Variants in DOCK8 observed in about 807,000 individuals in gnomAD.
DOCK8 encodes dedicator of cytokinesis 8, also known as dedicator of cytokinesis protein 8.
DOCK8 carries 141 observed loss-of-function variants against 245.6 expected under a neutral mutation model. The observed-to-expected ratio is 0.57, with a 90% CI of 0.50 to 0.66. The LOEUF is 0.66. Among genes scored for constraint, DOCK8 ranks in the 30% least tolerant of loss-of-function variants. DOCK8 has a pLI of 0.00. For missense variants in DOCK8, 2,965 were observed against 2,603.4 expected (o/e 1.14, Z -3.02); for synonymous variants, 1,168 against 970.2 (o/e 1.20, Z -3.79).
chr9:401,045 T>TCACCA (rs1389173151), intron 26 of DOCK8, among the ~76,000 whole-genome samples: 50 of 102,358 alleles, frequency 4.9e-4, no homozygotes, highest in Non-Finnish European at 7.5e-4. Context: ...CACCATCACT[T>TCACCA]CTTCCACCAT....
At chr9:318,233 C>T (rs564723563) in intron 7 of DOCK8, among the ~76,000 whole-genome samples, 5 of 152,316 alleles carry the variant, frequency 3.3e-5, no homozygotes, top group African/African-American at 1.2e-4. Flanking sequence ...TAAAGTTGTA[C>T]ATATTTTACC....
At chr9:225,858 A>T (rs1405497420) in intron 1 of DOCK8, among the ~76,000 whole-genome samples, 2 of 152,164 alleles carry the variant, frequency 1.3e-5, no homozygotes, top group Non-Finnish European at 2.9e-5. Flanking sequence ...AAGCAGGGGA[A>T]TGACGAAGCA....
rs1246908789 is a variant in DOCK8, at chr9:464,226, C to T, written c.*7C>T. Reference sequence around the variant, plus strand: ...GTTGTCACAGGGCAGCTAAGAAAAGCCATCTTCATTCGTGGAGACTGTGGC... The same window carrying T: ...GTTGTCACAGGGCAGCTAAGAAAAGTCATCTTCATTCGTGGAGACTGTGGC... On this transcript the variant is annotated 3_prime_UTR_variant, in exon 48 of 48. Transcript: ENST00000432829. 7 of 1,612,682 alleles carry T rather than the reference C, an allele frequency of 4.3e-6. No homozygotes were observed. The highest frequency in any genetic ancestry group is 5.9e-6 in the Non-Finnish European group (7 of 1,178,798).
At chr9:389,742 G>A (rs933158137) in intron 23 of DOCK8, among the ~76,000 whole-genome samples, 1 of 152,144 alleles carries the variant, frequency 6.6e-6, no homozygotes, top group African/African-American at 2.4e-5. Context: ...GAGGCCGGGC[G>A]TAGTGGCTCA....
intron 14 of DOCK8, among the ~76,000 whole-genome samples, chr9:358,654 A>T (rs1030318556): frequency 7.3e-5 from 9 of 122,814 alleles, no homozygotes; most frequent in Admixed American, 5.7e-4. Context: ...TTCAAGACAA[A>T]CCTGGCCAAC....
chr9:428,574 T>C lies in DOCK8; in HGVS notation c.4473+78T>C. 7 of 1,566,870 alleles carry C rather than the reference T, an allele frequency of 4.5e-6. No individual in the cohort carries two copies. In the South Asian group the frequency reaches 7.9e-5, roughly 18 times the overall value. ...CTAGCTTCATACTTCTCTCTTCAGGTGGACCAAAAGTCACAGAGCATATTA... is the reference window on the plus strand; with the variant it reads ...CTAGCTTCATACTTCTCTCTTCAGGCGGACCAAAAGTCACAGAGCATATTA... On this transcript the variant is annotated intron_variant, in intron 35 of 47. Coordinates refer to ENST00000432829, the MANE Select transcript of DOCK8 (RefSeq NM_203447.4).
intron 1 of DOCK8, among the ~76,000 whole-genome samples, chr9:254,218 C>T (rs1408357668): frequency 6.6e-6 from 1 of 152,182 alleles, no homozygotes; most frequent in Non-Finnish European, 1.5e-5. Context: ...AGCAAGATCT[C>T]ACTGAGATGC....
chr9:332,274 A>G (rs1432329082), intron 9 of DOCK8, 124 bp from the exon 10 acceptor site: 3 of 667,702 alleles, frequency 4.5e-6, no homozygotes, highest in South Asian at 1.8e-5. Flanking sequence ...ATAAAAAAAT[A>G]TGTATCACAG....
intron 4 of DOCK8, among the ~76,000 whole-genome samples, chr9:297,700 T>C (rs150324451): frequency 1.6e-3 from 243 of 152,284 alleles, no homozygotes; most frequent in African/African-American, 5.7e-3. Flanking sequence ...GAGTCATCTT[T>C]ACATGTTTGC....
intron 1 of DOCK8, among the ~76,000 whole-genome samples, chr9:227,529 A>T (rs1162084141): frequency 1.3e-5 from 2 of 152,180 alleles, no homozygotes; most frequent in South Asian, 2.1e-4. Flanking sequence ...AGTAAAGATG[A>T]TTAAAGCAGA....
intron 10 of DOCK8, among the ~76,000 whole-genome samples, chr9:333,292 C>T (rs1318490027): frequency 6.6e-6 from 1 of 152,228 alleles, no homozygotes; most frequent in East Asian, 1.9e-4. Flanking sequence ...TGCAAAGATT[C>T]CCAGTGTGAT....
chr9:269,108 T>C (rs534978034), intron 1 of DOCK8, among the ~76,000 whole-genome samples: 1 of 152,334 alleles, frequency 6.6e-6, no homozygotes, highest in Non-Finnish European at 1.5e-5. Flanking sequence ...ATGTGTACAG[T>C]TCAGTGATTT....
In DOCK8 at chr9:434,528, T is replaced by G. The variant is rs12115419; in HGVS notation, c.4887-255T>G. On this transcript the variant is annotated intron_variant, in intron 38 of 47. Transcript: ENST00000432829. ...AGCCATTAAAATAGACATCATGTTATCAGGTATTTTTTCCCCATAAGGCTT... is the reference window on the plus strand; with the variant it reads ...AGCCATTAAAATAGACATCATGTTAGCAGGTATTTTTTCCCCATAAGGCTT... 0.02 allele frequency among the ~76,000 whole-genome samples: 3,061 copies of G among 152,188 alleles called. 100 individuals are homozygous for G. The highest frequency in any genetic ancestry group is 0.069 in the African/African-American group (2,877 of 41,510).
intron 4 of DOCK8, among the ~76,000 whole-genome samples, chr9:300,475 G>A (rs1432652925): frequency 6.7e-6 from 1 of 150,132 alleles, no homozygotes; most frequent in African/African-American, 2.5e-5. Context: ...AAAGCCAGCA[G>A]AAGAAAACAA....
chr9:442,150 A>C, intron 42 of DOCK8, 141 bp downstream of exon 42: 1 of 1,205,610 alleles, frequency 8.3e-7, no homozygotes, highest in Non-Finnish European at 1.2e-6. Flanking sequence ...TGCATTTATA[A>C]AAGGCAAAGT....
chr9:284,997 G>A (rs1453736838), intron 2 of DOCK8, among the ~76,000 whole-genome samples: 3 of 152,062 alleles, frequency 2.0e-5, no homozygotes, highest in Admixed American at 1.3e-4. Context: ...GTGGTCCTGG[G>A]CTTAATACCT....
intron 6 of DOCK8, among the ~76,000 whole-genome samples, chr9:315,029 C>T (rs891813387): frequency 6.6e-6 from 1 of 152,158 alleles, no homozygotes; most frequent in Non-Finnish European, 1.5e-5. Flanking sequence ...TCCACTGATA[C>T]TCCAAATTAT....
chr9:394,876 T>G (rs1216422191), intron 24 of DOCK8, among the ~76,000 whole-genome samples: 2 of 152,208 alleles, frequency 1.3e-5, no homozygotes, highest in Non-Finnish European at 2.9e-5. Flanking sequence ...CTGCTGACAG[T>G]CTGGAAAGAG....
intron 4 of DOCK8, among the ~76,000 whole-genome samples, chr9:301,590 C>T (rs1350081571): frequency 6.6e-6 from 1 of 152,118 alleles, no homozygotes; most frequent in Non-Finnish European, 1.5e-5. Context: ...AATTCTGTAC[C>T]CAGAAAACAC....
Sources: gnomAD v4.1 joint callset for allele counts (sites outside exome capture counted in the v4.1 genomes callset) on GRCh38, gnomAD v4.1.1 for gene constraint, MANE v1.5 for transcripts, NCBI Gene and HGNC (gene_info 2026-07-23, HGNC 2026-07-21) for gene names.